The following EPHA3 variants were observed in gnomAD, a reference collection of about 807,000 sequenced individuals.
The protein encoded by EPHA3 is ephrin type-A receptor 3.
In EPHA3, 42 loss-of-function variants were observed where a neutral mutation model predicts 107.1. The ratio of observed to expected loss-of-function variants is 0.39; its 90% CI spans 0.31 to 0.51. The LOEUF (loss-of-function observed/expected upper bound fraction) is 0.51. Among genes scored for constraint, EPHA3 ranks in the 20% least tolerant of loss-of-function variants. The pLI is 0.78. For synonymous variants in EPHA3, 461 were observed against 424.8 expected, an observed-to-expected ratio of 1.09 and a Z score of -1.05; for missense variants, 1,183 against 1,211.2, an observed-to-expected ratio of 0.98 and a Z score of 0.35.
chr3:89,408,180 A>G (rs753291322), intron 9 of EPHA3, 49 bp downstream of exon 9: 2 of 1,578,280 alleles, frequency 1.3e-6, no homozygotes, highest in Non-Finnish European at 1.7e-6. Context: ...TTTTAGCTTT[A>G]GCAGTTATTG....
At chr3:89,164,082 CAG>C (rs1459949426) in intron 2 of EPHA3, among the ~76,000 whole-genome samples, 2 of 152,088 alleles carry the variant, frequency 1.3e-5, no homozygotes, top group African/African-American at 4.8e-5. Flanking sequence ...ATTCTTCAGA[CAG>C]AGGTAGCGTT....
At chr3:89,277,276 G>A (rs189260111) in intron 3 of EPHA3, among the ~76,000 whole-genome samples, 68 of 152,128 alleles carry the variant, frequency 4.5e-4, no homozygotes, top group Non-Finnish European at 4.7e-4. Context: ...AGAAATATAC[G>A]TTTAAAGAAG....
At chr3:89,167,131 T>C (rs1410378883) in intron 2 of EPHA3, among the ~76,000 whole-genome samples, 1 of 152,192 alleles carries the variant, frequency 6.6e-6, no homozygotes, top group Admixed American at 6.5e-5. Flanking sequence ...TTTGTTTTAA[T>C]GGACAGATAG....
chr3:89,334,760 G>A (rs1352832405), intron 3 of EPHA3, among the ~76,000 whole-genome samples: 1 of 152,094 alleles, frequency 6.6e-6, no homozygotes, highest in Admixed American at 6.6e-5. Flanking sequence ...TATAGAAGAG[G>A]AAGTCACTGT....
intron 5 of EPHA3, among the ~76,000 whole-genome samples, chr3:89,381,473 C>T (rs1403473451): frequency 2.0e-5 from 3 of 151,702 alleles, no homozygotes; most frequent in Non-Finnish European, 4.4e-5. Context: ...AGTTCAAGAC[C>T]AGCCTGGCCA....
intron 3 of EPHA3, among the ~76,000 whole-genome samples, chr3:89,324,564 T>A (rs1330878382): frequency 2.0e-5 from 3 of 152,082 alleles, no homozygotes. Flanking sequence ...CTTCTATTGC[T>A]ATATCATTGG....
intron 2 of EPHA3, among the ~76,000 whole-genome samples, chr3:89,156,715 A>G (rs970878520): frequency 6.6e-6 from 1 of 152,062 alleles, no homozygotes; most frequent in African/African-American, 2.4e-5. Flanking sequence ...GTTAGTGTGC[A>G]AAAGCTAAAA....
intron 10 of EPHA3, among the ~76,000 whole-genome samples, chr3:89,413,858 T>G (rs1421321153): frequency 6.6e-6 from 1 of 151,742 alleles, no homozygotes; most frequent in African/African-American, 2.4e-5. Flanking sequence ...AACAATCACC[T>G]ATTAAGTGGT....
chr3:89,338,128 G>T (rs759788875), intron 3 of EPHA3, among the ~76,000 whole-genome samples: 20 of 152,278 alleles, frequency 1.3e-4, no homozygotes, highest in Non-Finnish European at 2.2e-4. Flanking sequence ...AACTTTGGCC[G>T]TTCATCTCTA....
chr3:89,458,734 G>A (rs890128710), intron 15 of EPHA3, among the ~76,000 whole-genome samples: 2 of 152,168 alleles, frequency 1.3e-5, no homozygotes, highest in African/African-American at 4.8e-5. Context: ...GCACACGTAT[G>A]TTTGTTGCAG....
chr3:89,269,281 T>G (rs1705607981), intron 3 of EPHA3, among the ~76,000 whole-genome samples: 1 of 151,890 alleles, frequency 6.6e-6, no homozygotes, highest in Admixed American at 6.6e-5. Context: ...CAAGAAAGAG[T>G]ATAGAGCAGT....
chr3:89,274,986 T>G (rs1705770592), intron 3 of EPHA3, among the ~76,000 whole-genome samples: 1 of 152,056 alleles, frequency 6.6e-6, no homozygotes, highest in Admixed American at 6.6e-5. Context: ...CTAGTGCTGT[T>G]AACATCCTGC....
intron 3 of EPHA3, among the ~76,000 whole-genome samples, chr3:89,321,415 A>G (rs1411123108): frequency 6.6e-6 from 1 of 152,092 alleles, no homozygotes; most frequent in African/African-American, 2.4e-5. Context: ...ATATACTTCA[A>G]GCTCATTTAA....
At chr3:89,315,565 TC>T (rs1706876957) in intron 3 of EPHA3, among the ~76,000 whole-genome samples, 1 of 151,462 alleles carries the variant, frequency 6.6e-6, no homozygotes, top group African/African-American at 2.4e-5. Flanking sequence ...AATATCACTA[TC>T]CCTTTTGATT....
chr3:89,328,553 CA>C (rs1458479804), intron 3 of EPHA3, among the ~76,000 whole-genome samples: 2 of 152,284 alleles, frequency 1.3e-5, no homozygotes, highest in Admixed American at 6.5e-5. Flanking sequence ...ATTATTTTTA[CA>C]GTGCAGGATT....
At chr3:89,203,080 C>T (rs917940268) in intron 2 of EPHA3, among the ~76,000 whole-genome samples, 2 of 152,050 alleles carry the variant, frequency 1.3e-5, no homozygotes, top group African/African-American at 4.8e-5. Flanking sequence ...ACATTTTAGA[C>T]GCAGTTTCTA....
intron 5 of EPHA3, among the ~76,000 whole-genome samples, chr3:89,373,559 T>C (rs1310735941): frequency 6.6e-6 from 1 of 151,834 alleles, no homozygotes; most frequent in Non-Finnish European, 1.5e-5. Flanking sequence ...GTAAGCCCAC[T>C]GGTCTCATTC....
intron 3 of EPHA3, among the ~76,000 whole-genome samples, chr3:89,237,485 T>A (rs928118455): frequency 1.2e-4 from 19 of 152,186 alleles, no homozygotes; most frequent in East Asian, 1.9e-4. Flanking sequence ...AATAGAGATA[T>A]CCATAATTGT....
chr3:89,157,163 G>C (rs1305159139), intron 2 of EPHA3, among the ~76,000 whole-genome samples: 1 of 152,030 alleles, frequency 6.6e-6, no homozygotes, highest in Non-Finnish European at 1.5e-5. Context: ...AGGATGCTAT[G>C]GTAGTGCGAT....
Sources: allele counts gnomAD v4.1 joint callset (sites outside exome capture counted in the v4.1 genomes callset), GRCh38; gene constraint gnomAD v4.1.1; transcripts MANE v1.5; gene names NCBI Gene and HGNC (gene_info 2026-07-23, HGNC 2026-07-21).